PLSCR1: variants seen among roughly 807,000 people sequenced by gnomAD.
The protein encoded by PLSCR1 is PL scramblase 1.
PLSCR1 carries 17 observed loss-of-function variants against 37.8 expected under a neutral mutation model. That is an observed-to-expected ratio of 0.45 (90% CI 0.31 to 0.68). PLSCR1 has a LOEUF of 0.68. PLSCR1 is among the 30% of genes least tolerant of loss of function. PLSCR1 has a pLI of 0.06. For synonymous variants in PLSCR1, 116 were observed against 125.9 expected (o/e 0.92, Z 0.53); for missense variants, 347 against 380.9 (o/e 0.91, Z 0.74).
At chr3:146,535,360 G>A (rs898951775) in intron 2 of PLSCR1, among the ~76,000 whole-genome samples, 2 of 152,002 alleles carry the variant, frequency 1.3e-5, no homozygotes, top group African/African-American at 4.8e-5. Context: ...ATTCCAGGGG[G>A]AATTCATACA....
At position 146,521,831 on chromosome 3, in the gene PLSCR1, ACCT is replaced by A; in HGVS notation, c.575_576+1del. ...AAAGTGCCCTGGTAATTGATCACAGACCTCCTGAAGGCAGCAGGGACAACAACA... is the reference window on the plus strand; with the variant it reads ...AAAGTGCCCTGGTAATTGATCACAGACCTGAAGGCAGCAGGGACAACAACA... On this transcript the variant is annotated splice_donor_variant and coding_sequence_variant, in exon 6 of 9. Transcript: ENST00000342435. LOFTEE classifies it high-confidence loss of function. The A allele has an allele frequency of 6.2e-7, 1 of 1,608,670 alleles. No homozygotes were observed. Among genetic ancestry groups the A allele is most frequent in the Non-Finnish European group, 8.5e-7 (1 of 1,175,544 alleles).
At chr3:146,533,846 A>T (rs923713722) in intron 2 of PLSCR1, among the ~76,000 whole-genome samples, 1 of 152,184 alleles carries the variant, frequency 6.6e-6, no homozygotes, top group Non-Finnish European at 1.5e-5. Flanking sequence ...TTTGTTGATA[A>T]TAAAACAAAG....
chr3:146,515,296 T>C lies in PLSCR1; in HGVS notation c.*749A>G, dbSNP rs1214165264. On this transcript the variant is annotated 3_prime_UTR_variant, in exon 9 of 9. Transcript: ENST00000342435. ...TTAATTAATATCTGAGTAATCTCAA[T>C]TACCATTTTCTAGGAAGGATAGAGT... 6.6e-6 allele frequency: 1 copy of C among 152,338 alleles called. No individual in the cohort carries two copies. 9.4% of individuals were successfully genotyped at this position (152,338 alleles called of 1,614,324 possible). A position where few individuals can be genotyped will look rare whatever the true frequency, so the allele number is the denominator to read the frequency against.
chr3:146,525,598 TAC>T lies in PLSCR1; in HGVS notation c.355+5_355+6del, dbSNP rs2044096436. On this transcript the variant is annotated splice_donor_5th_base_variant and intron_variant, in intron 5 of 8. Transcript: ENST00000342435. ...ATAGAAACAGGATTAAAACAATGAA[TAC>T]ATACCTTCCAGAAGTTCAATTTGCT... 7.0e-7 allele frequency: 1 copy of T among 1,438,284 alleles called. No individual in the cohort carries two copies. The allele number at this position is 1,438,284 out of a possible 1,614,324, so 89.1% of individuals were successfully genotyped here. A position where few individuals can be genotyped will look rare whatever the true frequency, so the allele number is the denominator to read the frequency against.
chr3:146,523,611 G>A (rs1275715060), intron 5 of PLSCR1, among the ~76,000 whole-genome samples: 4 of 152,204 alleles, frequency 2.6e-5, no homozygotes, highest in Non-Finnish European at 4.4e-5. Context: ...CTCAACAGTA[G>A]TTGTTCAGAA....
chr3:146,518,411 G>A (rs2108618312), intron 7 of PLSCR1, among the ~76,000 whole-genome samples: 1 of 152,148 alleles, frequency 6.6e-6, no homozygotes, highest in East Asian at 1.9e-4. Context: ...ATAAGCATGA[G>A]TATAAACACT....
chr3:146,517,726 G>A (rs1048002686), intron 7 of PLSCR1, among the ~76,000 whole-genome samples: 1 of 152,184 alleles, frequency 6.6e-6, no homozygotes, highest in Admixed American at 6.5e-5. Flanking sequence ...GGTTGAGGTT[G>A]AGAGTGGATA....
At chr3:146,526,516 A>AT (rs1370399527) in intron 4 of PLSCR1, among the ~76,000 whole-genome samples, 2 of 152,240 alleles carry the variant, frequency 1.3e-5, no homozygotes, top group African/African-American at 4.8e-5. Flanking sequence ...TTGAAACAGT[A>AT]TTTTTTCAAA....
intron 5 of PLSCR1, among the ~76,000 whole-genome samples, chr3:146,523,823 C>T (rs2044067496): frequency 2.6e-5 from 4 of 152,194 alleles, no homozygotes; most frequent in Non-Finnish European, 5.9e-5. Context: ...TTGGAAACCT[C>T]TCCATATTTA....
intron 3 of PLSCR1, among the ~76,000 whole-genome samples, chr3:146,531,012 T>C (rs2044190448): frequency 6.6e-6 from 1 of 152,220 alleles, no homozygotes; most frequent in South Asian, 2.1e-4. Context: ...TGTAATTAAT[T>C]GATTCATTAG....
intron 3 of PLSCR1, among the ~76,000 whole-genome samples, 165 bp downstream of exon 3, chr3:146,533,302 GAAC>G (rs1289415218): frequency 2.6e-5 from 4 of 151,654 alleles, no homozygotes; most frequent in African/African-American, 9.7e-5. Flanking sequence ...AAATAATCAA[GAAC>G]AACTAGGCTG....
intron 4 of PLSCR1, among the ~76,000 whole-genome samples, chr3:146,526,872 T>C (rs1225463231): frequency 1.3e-5 from 2 of 152,184 alleles, no homozygotes; most frequent in African/African-American, 2.4e-5. Context: ...CCAGGCGCAG[T>C]GGTTCACGAC....
At chr3:146,534,807 C>T (rs2044244828) in intron 2 of PLSCR1, among the ~76,000 whole-genome samples, 3 of 152,142 alleles carry the variant, frequency 2.0e-5, no homozygotes, top group Non-Finnish European at 2.9e-5. Context: ...ACCCGGGAGG[C>T]GGAGGTTGCA....
chr3:146,516,178 G>A, intron 8 of PLSCR1, 77 bp from the exon 9 acceptor site: 4 of 822,192 alleles, frequency 4.9e-6, no homozygotes, highest in Admixed American at 2.2e-5. Flanking sequence ...GAAATACTAA[G>A]GGATCTAGTG....
intron 1 of PLSCR1, among the ~76,000 whole-genome samples, chr3:146,538,871 T>C (rs371701328): frequency 1.3e-5 from 2 of 152,286 alleles, no homozygotes; most frequent in Non-Finnish European, 2.9e-5. Context: ...TCAAGTCCCA[T>C]GCAAGCCAGA....
chr3:146,516,177 A>C, intron 8 of PLSCR1, 76 bp from the exon 9 acceptor site: 2 of 853,442 alleles, frequency 2.3e-6, no homozygotes, highest in Non-Finnish European at 3.9e-6. Context: ...AGAAATACTA[A>C]GGGATCTAGT....
intron 5 of PLSCR1, among the ~76,000 whole-genome samples, chr3:146,522,766 C>T (rs548709353): frequency 5.6e-4 from 84 of 151,308 alleles, no homozygotes; most frequent in African/African-American, 1.9e-3. Context: ...GTCTCCTGCT[C>T]GTCCCTGGGC....
intron 5 of PLSCR1, among the ~76,000 whole-genome samples, chr3:146,522,723 C>T (rs977021671): frequency 2.6e-5 from 4 of 152,084 alleles, no homozygotes; most frequent in South Asian, 2.1e-4. Flanking sequence ...GGAAGGAACG[C>T]GTCTTTGCAG....
chr3:146,522,352 A>G (rs2044035573), intron 5 of PLSCR1, among the ~76,000 whole-genome samples: 1 of 152,100 alleles, frequency 6.6e-6, no homozygotes. Context: ...ACTAAGAAAA[A>G]TTTTTCTGCC....
Sources: gnomAD v4.1 joint callset for allele counts (sites outside exome capture counted in the v4.1 genomes callset) on GRCh38, gnomAD v4.1.1 for gene constraint, MANE v1.5 for transcripts, NCBI Gene and HGNC (gene_info 2026-07-23, HGNC 2026-07-21) for gene names.